MAP2: variants seen among roughly 807,000 people sequenced by gnomAD.
MAP2 encodes the protein microtubule associated protein 2, also known as microtubule-associated protein 2.
A neutral mutation model predicts 137.6 loss-of-function variants in MAP2; 14 were observed. That is an observed-to-expected ratio of 0.10 (90% confidence interval 0.07 to 0.16). The LOEUF is 0.16. Among genes scored for constraint, MAP2 ranks in the 10% least tolerant of loss-of-function variants. The pLI is 1.00. For synonymous variants in MAP2, 786 were observed against 782.3 expected, an observed-to-expected ratio of 1.00 and a Z score of -0.08; for missense variants, 2,088 against 2,191.5, an observed-to-expected ratio of 0.95 and a Z score of 0.94.
chr2:209,591,051 TTTTTG>T (rs1305560601), intron 3 of MAP2, among the ~76,000 whole-genome samples: 1 of 152,162 alleles, frequency 6.6e-6, no homozygotes, highest in Non-Finnish European at 1.5e-5. Context: ...TGTTTGTTTG[TTTTTG>T]TTTTTGTTTT....
At chr2:209,467,450 T>C (rs1704424437) in intron 1 of MAP2, among the ~76,000 whole-genome samples, 1 of 152,146 alleles carries the variant, frequency 6.6e-6, no homozygotes, top group Non-Finnish European at 1.5e-5. Context: ...TTTTTTAGAT[T>C]TGTCTCTTCC....
At chr2:209,700,433 C>T (rs542278856) in intron 11 of MAP2, 95 bp downstream of exon 11, 2 of 1,020,294 alleles carry the variant, frequency 2.0e-6, no homozygotes, top group South Asian at 3.0e-5. Flanking sequence ...TAGATATTTA[C>T]TCTTAAAAGT....
intron 1 of MAP2, among the ~76,000 whole-genome samples, chr2:209,431,296 T>C (rs1007411536): frequency 9.2e-5 from 14 of 152,196 alleles, no homozygotes; most frequent in African/African-American, 3.4e-4. Context: ...ATTTATGTAA[T>C]GGAATAACTT....
intron 4 of MAP2, among the ~76,000 whole-genome samples, chr2:209,630,436 A>G (rs1341733027): frequency 1.3e-5 from 2 of 152,198 alleles, no homozygotes; most frequent in African/African-American, 4.8e-5. Flanking sequence ...TTCAAGCAGT[A>G]TATTAATTTT....
chr2:209,666,421 A>G (rs942425497), intron 5 of MAP2, among the ~76,000 whole-genome samples: 2 of 151,538 alleles, frequency 1.3e-5, no homozygotes, highest in Non-Finnish European at 2.9e-5. Flanking sequence ...TTGGGATAAC[A>G]GTAGAGGATA....
chr2:209,467,141 T>C (rs1704331990), intron 1 of MAP2, among the ~76,000 whole-genome samples: 1 of 152,246 alleles, frequency 6.6e-6, no homozygotes, highest in South Asian at 2.1e-4. Context: ...ATTTAATTTG[T>C]ACAAATTGTG....
At chr2:209,700,091 T>A (rs74558872) in intron 10 of MAP2, among the ~76,000 whole-genome samples, 186 bp from the exon 11 acceptor site, 1,561 of 152,320 alleles carry the variant, frequency 0.01, 19 homozygotes, top group African/African-American at 0.036. Context: ...ACACTATTTG[T>A]TGGAGCCACA....
At position 209,621,257 on chromosome 2, in the gene MAP2, A is replaced by ATTTTTTTT. The variant is rs1186032597; in HGVS notation, c.-106-3784_-106-3777dup. Among the ~76,000 whole-genome samples the ATTTTTTTT allele has an allele frequency of 4.3e-3, 533 of 125,092 alleles. 17 individuals carry two copies. The highest frequency in any genetic ancestry group is 0.016 in the African/African-American group (501 of 31,904). The allele number at this position is 125,092 out of a possible 152,430, so 82.1% of individuals were successfully genotyped here. A position where few individuals can be genotyped will look rare whatever the true frequency, so the allele number is the denominator to read the frequency against. ...GATTCCAGCAACTTCAGGCATCTTG[A>ATTTTTTTT]TTTTTTTTTTTTTTTTTTTGAGAGA... is the stretch of plus-strand genomic sequence containing the variant. On this transcript the variant is annotated intron_variant, in intron 3 of 15. Coordinates refer to ENST00000682079, the MANE Select transcript of MAP2 (RefSeq NM_001375505.1).
At chr2:209,682,364 G>A (rs1228501126) in intron 7 of MAP2, among the ~76,000 whole-genome samples, 3 of 152,158 alleles carry the variant, frequency 2.0e-5, no homozygotes, top group Admixed American at 6.5e-5. Context: ...GGTGGCGTAC[G>A]CCTATAATCC....
intron 1 of MAP2, among the ~76,000 whole-genome samples, chr2:209,446,331 A>T (rs1699045755): frequency 1.3e-5 from 2 of 151,644 alleles, no homozygotes. Context: ...TCCTTCTTTG[A>T]CCTAGCTTTA....
intron 1 of MAP2, among the ~76,000 whole-genome samples, chr2:209,429,400 A>G (rs1037264681): frequency 1.3e-5 from 2 of 151,734 alleles, no homozygotes; most frequent in South Asian, 4.2e-4. Context: ...TTTTTTAACA[A>G]CTAGTAAAGT....
At chr2:209,660,901 A>T (rs1292712473) in intron 5 of MAP2, among the ~76,000 whole-genome samples, 1 of 143,760 alleles carries the variant, frequency 7.0e-6, no homozygotes, top group Non-Finnish European at 1.5e-5. Context: ...CGCCCGGCTA[A>T]TTTTTTGTAT....
chr2:209,621,096 G>A, intron 3 of MAP2, among the ~76,000 whole-genome samples: 1 of 151,578 alleles, frequency 6.6e-6, no homozygotes, highest in Non-Finnish European at 1.5e-5. Context: ...TCTGGGGACT[G>A]AGGCATAAGA....
intron 1 of MAP2, among the ~76,000 whole-genome samples, chr2:209,487,005 C>T (rs1374388203): frequency 6.6e-6 from 1 of 152,066 alleles, no homozygotes; most frequent in Non-Finnish European, 1.5e-5. Context: ...GTATAGATTC[C>T]ATTAGAATTC....
chr2:209,721,754 T>C (rs914778535), intron 13 of MAP2, among the ~76,000 whole-genome samples: 1 of 152,198 alleles, frequency 6.6e-6, no homozygotes, highest in Admixed American at 6.5e-5. Context: ...AGTCACCAGA[T>C]TGGTACTCTA....
chr2:209,689,513 A>G (rs1559561567), intron 7 of MAP2, among the ~76,000 whole-genome samples: 1 of 152,044 alleles, frequency 6.6e-6, no homozygotes. Flanking sequence ...GACCAAATGG[A>G]ATTTACTTAT....
intron 14 of MAP2, 47 bp from the exon 15 acceptor site, chr2:209,729,803 C>A: frequency 7.7e-7 from 1 of 1,305,220 alleles, no homozygotes; most frequent in South Asian, 1.2e-5. Context: ...GAAATAGTTA[C>A]CACGAATGCA....
At position 209,538,292 on chromosome 2, in the gene MAP2, A is replaced by G. The variant is rs116242232; in HGVS notation, c.-172+30651A>G. Among the ~76,000 whole-genome samples, 981 of 152,324 alleles carry G rather than the reference A, an allele frequency of 6.4e-3. 15 individuals carry two copies. The highest frequency in any genetic ancestry group is 0.023 in the African/African-American group (943 of 41,580). On this transcript the variant is annotated intron_variant, in intron 2 of 15. Coordinates refer to ENST00000682079, the MANE Select transcript of MAP2 (RefSeq NM_001375505.1). Reference sequence around the variant, plus strand: ...GAGAGAGAAATGGGAGAGTAGGTTAATATTTTAGATTCATGAACTTTGTGG... The same window carrying G: ...GAGAGAGAAATGGGAGAGTAGGTTAGTATTTTAGATTCATGAACTTTGTGG...
intron 1 of MAP2, among the ~76,000 whole-genome samples, chr2:209,443,772 T>C (rs1698397034): frequency 6.6e-6 from 1 of 151,572 alleles, no homozygotes; most frequent in Admixed American, 6.6e-5. Flanking sequence ...ATTCAGTGAA[T>C]TTTCATAAAA....
Sources: gnomAD v4.1 joint callset for allele counts (sites outside exome capture counted in the v4.1 genomes callset) on GRCh38, gnomAD v4.1.1 for gene constraint, MANE v1.5 for transcripts, NCBI Gene and HGNC (gene_info 2026-07-23, HGNC 2026-07-21) for gene names.